RAB11FIP2: variants seen among roughly 807,000 people sequenced by gnomAD.
RAB11FIP2 encodes RAB11 family interacting protein 2.
A neutral mutation model predicts 40.9 loss-of-function variants in RAB11FIP2; 16 were observed. The ratio of observed to expected loss-of-function variants is 0.39; its 90% CI spans 0.26 to 0.59. The LOEUF is 0.59. Among genes scored for constraint, RAB11FIP2 ranks in the 20% least tolerant of loss-of-function variants. RAB11FIP2 has a pLI of 0.53. For synonymous variants in RAB11FIP2, 228 were observed against 213.7 expected, an observed-to-expected ratio of 1.07 and a Z score of -0.58; for missense variants, 532 against 606.2, an observed-to-expected ratio of 0.88 and a Z score of 1.28.
rs1409541382 is a variant in RAB11FIP2 at position 118,039,033 on chromosome 10, A to T, written c.1204T>A (p.Tyr402Asn). The T allele has an allele frequency of 6.2e-7, 1 of 1,611,830 alleles. No individual in the cohort carries two copies. The highest frequency in any genetic ancestry group is 2.2e-5 in the East Asian group (1 of 44,856). Residue 402 changes from tyrosine to asparagine, a missense_variant, in exon 3 of 5, where the codon TAT becomes AAT. Transcript: ENST00000355624. ...GCTGTAAATGGATTGGTTGACTCAT[A>T]ATCAAAATAGTCCTGGCGATTTTCA... ...FSENRQDYFDYESTNPFTAKF... is the reference protein window; with the variant it reads ...FSENRQDYFDNESTNPFTAKF...
intron 4 of RAB11FIP2, among the ~76,000 whole-genome samples, chr10:118,014,337 G>T (rs1420465034): frequency 2.6e-5 from 4 of 152,148 alleles, no homozygotes; most frequent in African/African-American, 9.6e-5. Context: ...CTGTTATTCA[G>T]TGAGAATTTA....
intron 3 of RAB11FIP2, chr10:118,033,867 T>C (rs565860750): frequency 1.5e-6 from 1 of 671,208 alleles, no homozygotes; most frequent in Non-Finnish European, 2.7e-6. Flanking sequence ...AATATATATA[T>C]AAATCTCAGT....
intron 3 of RAB11FIP2, among the ~76,000 whole-genome samples, chr10:118,038,038 A>T (rs1564835589): frequency 6.6e-6 from 1 of 151,634 alleles, no homozygotes; most frequent in South Asian, 2.1e-4. Flanking sequence ...TTTCTTATTT[A>T]TTTTTTTAAA....
chr10:118,022,454 C>A (rs1846292877), intron 3 of RAB11FIP2, among the ~76,000 whole-genome samples: 5 of 152,166 alleles, frequency 3.3e-5, no homozygotes. Flanking sequence ...CTTAGACTGG[C>A]TTTCAAAGTC....
chr10:118,018,981 A>C (rs1190959565), intron 3 of RAB11FIP2, among the ~76,000 whole-genome samples: 6 of 151,830 alleles, frequency 4.0e-5, no homozygotes, highest in African/African-American at 1.5e-4. Context: ...TAAGGAGGAG[A>C]AACTATTCAG....
At chr10:118,022,114 G>A (rs1846289537) in intron 3 of RAB11FIP2, among the ~76,000 whole-genome samples, 1 of 152,150 alleles carries the variant, frequency 6.6e-6, no homozygotes, top group East Asian at 1.9e-4. Context: ...CCTGCGCACC[G>A]AAGGTGAAGC....
intron 1 of RAB11FIP2, among the ~76,000 whole-genome samples, chr10:118,043,738 G>A (rs1846591900): frequency 1.3e-5 from 2 of 152,290 alleles, no homozygotes; most frequent in East Asian, 3.9e-4. Context: ...ACTCGAAACA[G>A]TTTTCTAAAA....
At chr10:118,015,228 G>T (rs1195830124) in intron 3 of RAB11FIP2, 118 bp from the exon 4 acceptor site, 1 of 651,846 alleles carries the variant, frequency 1.5e-6, no homozygotes, top group Non-Finnish European at 2.4e-6. Context: ...ATTATTCAGA[G>T]GAGTGAAATT....
chr10:118,007,771 G>A lies in RAB11FIP2; in HGVS notation c.*1227C>T, dbSNP rs1315458207. On this transcript the variant is annotated 3_prime_UTR_variant, in exon 5 of 5. Transcript: ENST00000355624. ...GAAGAAATCAGTATTTTGGGGGAGT[G>A]GACTTTAAAATAGAACATAATTTTG... 1 of 152,040 alleles carries A rather than the reference G, an allele frequency of 6.6e-6. No homozygotes were observed. Among genetic ancestry groups the A allele is most frequent in the Non-Finnish European group, 1.5e-5 (1 of 67,958 alleles). 9.4% of individuals were successfully genotyped at this position (152,040 alleles called of 1,614,324 possible).
intron 3 of RAB11FIP2, among the ~76,000 whole-genome samples, chr10:118,019,640 G>A (rs1176836320): frequency 1.3e-5 from 2 of 151,840 alleles, no homozygotes; most frequent in African/African-American, 2.4e-5. Context: ...TGGCTAACAC[G>A]GTGAAACCCC....
chr10:118,009,541 T>C (rs527723573), intron 4 of RAB11FIP2, among the ~76,000 whole-genome samples: 109 of 152,200 alleles, frequency 7.2e-4, no homozygotes, highest in African/African-American at 2.6e-3. Context: ...TAAATACAAC[T>C]AAAATAGATG....
intron 4 of RAB11FIP2, 51 bp downstream of exon 4, chr10:118,015,013 GA>G: frequency 6.7e-7 from 1 of 1,493,934 alleles, no homozygotes; most frequent in Non-Finnish European, 9.2e-7. Context: ...GTGTGCCAGA[GA>G]AAAAGACCAG....
intron 3 of RAB11FIP2, among the ~76,000 whole-genome samples, chr10:118,032,744 CCTT>C (rs1846430220): frequency 6.6e-6 from 1 of 152,064 alleles, no homozygotes; most frequent in Non-Finnish European, 1.5e-5. Context: ...ATTTGCGTGT[CCTT>C]CTGAGTAGCC....
At chr10:118,034,227 T>C (rs1431752807) in intron 3 of RAB11FIP2, among the ~76,000 whole-genome samples, 3 of 151,920 alleles carry the variant, frequency 2.0e-5, no homozygotes, top group Non-Finnish European at 4.4e-5. Context: ...TGGTCCAGGA[T>C]ATGGAGGAAG....
chr10:118,045,820 C>T lies in RAB11FIP2; in HGVS notation c.344G>A (p.Arg115Lys), dbSNP rs777370467. ...AAATTACATAACTTACTCTGTTTTC[C>T]TTCTTTGTTTGTCCTCAAAGATGTC... ...LNDIFEDKQR[R>K]KTEWFRLESK... The change falls in exon 1 of 5, where the codon AGG (arginine) becomes AAG (lysine). Residue 115 changes from arginine (R) to lysine (K), a missense_variant. Arg to Lys is a conservative substitution (Grantham distance 26). Coordinates refer to ENST00000355624, the MANE Select transcript of RAB11FIP2 (RefSeq NM_014904.3). 81 of 1,600,408 alleles carry T rather than the reference C, an allele frequency of 5.1e-5. No individual in the cohort carries two copies. The highest frequency in any genetic ancestry group is 6.6e-5 in the Non-Finnish European group (78 of 1,173,112).
chr10:118,007,148 T>C lies in RAB11FIP2; in HGVS notation c.*1850A>G, dbSNP rs1033312244. 6.7e-6 allele frequency: 1 copy of C among 149,704 alleles called. No individual in the cohort carries two copies. Among genetic ancestry groups the C allele is most frequent in the Non-Finnish European group, 1.5e-5 (1 of 67,406 alleles). 9.3% of individuals were successfully genotyped at this position (149,704 alleles called of 1,614,324 possible). ...GAGAATTTTGTAACATTTAGTTAAT[T>C]AAAAGTGGCACCATGTTTAAAAAAA... On this transcript the variant is annotated 3_prime_UTR_variant, in exon 5 of 5. Transcript: ENST00000355624.
At chr10:118,028,311 G>C (rs1846370095) in intron 3 of RAB11FIP2, among the ~76,000 whole-genome samples, 1 of 150,172 alleles carries the variant, frequency 6.7e-6, no homozygotes, top group Non-Finnish European at 1.5e-5. Flanking sequence ...AAATATATAA[G>C]ATTTTAATAT....
chr10:118,016,477 T>G (rs879144169), intron 3 of RAB11FIP2, among the ~76,000 whole-genome samples: 1 of 152,144 alleles, frequency 6.6e-6, no homozygotes, highest in Admixed American at 6.5e-5. Context: ...CATTCTCACA[T>G]AGTCCACCTT....
chr10:118,046,846 T>G lies in RAB11FIP2; in HGVS notation c.-683A>C, dbSNP rs1395297715. On this transcript the variant is annotated 5_prime_UTR_variant, in exon 1 of 5. Coordinates refer to ENST00000355624, the MANE Select transcript of RAB11FIP2 (RefSeq NM_014904.3). ...AGCGGGCTGCAGGGCTGCGGGCGCTTGGTTCGGCCTGGCCCGGCCGGCGGC... is the reference window on the plus strand; with the variant it reads ...AGCGGGCTGCAGGGCTGCGGGCGCTGGGTTCGGCCTGGCCCGGCCGGCGGC... The G allele has an allele frequency of 6.6e-6, 1 of 152,122 alleles. No individual in the cohort carries two copies. Among genetic ancestry groups the G allele is most frequent in the East Asian group, 1.9e-4 (1 of 5,142 alleles). The allele number at this position is 152,122 out of a possible 1,614,324, so 9.4% of individuals were successfully genotyped here.
Sources: allele counts gnomAD v4.1 joint callset (sites outside exome capture counted in the v4.1 genomes callset), GRCh38; gene constraint gnomAD v4.1.1; transcripts MANE v1.5; gene names NCBI Gene and HGNC (gene_info 2026-07-23, HGNC 2026-07-21).